The following INPP5B variants were observed in gnomAD, a reference collection of about 807,000 sequenced individuals.
INPP5B encodes inositol polyphosphate-5-phosphatase B, also known as type II inositol 1,4,5-trisphosphate 5-phosphatase.
In INPP5B, 90 loss-of-function variants were observed where a neutral mutation model predicts 118.5. The ratio of observed to expected loss-of-function variants is 0.76; its 90% confidence interval spans 0.64 to 0.90. INPP5B has a LOEUF of 0.90. Among genes scored for constraint, INPP5B ranks in the 40% least tolerant of loss-of-function variants. The pLI, the probability that INPP5B is intolerant of heterozygous loss-of-function variation, is 0.00. For missense variants in INPP5B, 984 were observed against 1,125.6 expected (o/e 0.87, Z 1.80); for synonymous variants, 385 against 418.9 (o/e 0.92, Z 0.99).
chr1:37,914,486 T>A (rs1644803802), intron 7 of INPP5B, among the ~76,000 whole-genome samples: 1 of 151,980 alleles, frequency 6.6e-6, no homozygotes, highest in African/African-American at 2.4e-5. Context: ...CCATTTCCCA[T>A]CCCCACTGGA....
At chr1:37,935,399 G>A (rs1344603999) in intron 6 of INPP5B, among the ~76,000 whole-genome samples, 9 of 150,884 alleles carry the variant, frequency 6.0e-5, no homozygotes, top group Non-Finnish European at 1.2e-4. Flanking sequence ...TCACCATATT[G>A]GTCAGGCTGG....
rs78359312 is a variant in INPP5B, at chr1:37,904,877, CAA to C, written c.533-13425_533-13424del. On this transcript the variant is annotated intron_variant, in intron 7 of 23. Transcript: ENST00000373024. ...GGGAAACAAGAGCACAACTCCATCT[CAA>C]AAAAAAAAAAAATTTTAAAGGGTTA... 9.3e-3 allele frequency among the ~76,000 whole-genome samples: 1,200 copies of C among 129,558 alleles called. 6 individuals are homozygous for C. The highest frequency in any genetic ancestry group is 0.015 in the Non-Finnish European group (905 of 60,204). 85.0% of individuals were successfully genotyped at this position (129,558 alleles called of 152,430 possible).
intron 7 of INPP5B, among the ~76,000 whole-genome samples, chr1:37,893,982 G>A (rs1161781612): frequency 6.6e-6 from 1 of 152,202 alleles, no homozygotes; most frequent in East Asian, 1.9e-4. Flanking sequence ...CCTAGGCTTT[G>A]CAGGTCATAC....
chr1:37,872,093 G>A (rs12734823), intron 19 of INPP5B, among the ~76,000 whole-genome samples: 31,778 of 140,414 alleles, frequency 0.23, 4,108 homozygotes, highest in Non-Finnish European at 0.29. Context: ...AAAGCCAGGC[G>A]CGGTGGCTCA....
chr1:37,935,268 T>G (rs1645641749), intron 6 of INPP5B, among the ~76,000 whole-genome samples: 1 of 145,620 alleles, frequency 6.9e-6, no homozygotes, highest in South Asian at 2.3e-4. Flanking sequence ...CTCGGCTCAC[T>G]GCAACCTCTG....
intron 5 of INPP5B, among the ~76,000 whole-genome samples, chr1:37,943,431 G>GGGTGAC (rs1646007341): frequency 2.0e-5 from 3 of 151,888 alleles, no homozygotes; most frequent in Non-Finnish European, 4.4e-5. Flanking sequence ...TCCGGGGTGA[G>GGGTGAC]AATGTGTGTT....
chr1:37,866,404 T>TCACA (rs1491111834), intron 21 of INPP5B, 55 bp downstream of exon 21: 134 of 367,318 alleles, frequency 3.6e-4, no homozygotes, highest in African/African-American at 2.8e-3. Flanking sequence ...TCTCTCTCTC[T>TCACA]CTCACACACA....
chr1:37,888,208 G>A, intron 10 of INPP5B, 35 bp downstream of exon 10: 3 of 1,321,760 alleles, frequency 2.3e-6, no homozygotes, highest in Non-Finnish European at 3.0e-6. Context: ...CTGTGTGCTT[G>A]AAGATGGAGA....
chr1:37,917,227 T>C (rs1434266562), intron 7 of INPP5B, among the ~76,000 whole-genome samples: 2 of 137,150 alleles, frequency 1.5e-5, no homozygotes, highest in Non-Finnish European at 3.1e-5. Context: ...AGGCAGAGGT[T>C]GCAGTGAGCC....
At chr1:37,885,929 C>G in intron 12 of INPP5B, 104 bp from the exon 13 acceptor site, 1 of 1,049,380 alleles carries the variant, frequency 9.5e-7, no homozygotes, top group Non-Finnish European at 1.4e-6. Flanking sequence ...CCTGTAATCC[C>G]AGCACTTTGG....
rs192734703 is a variant in INPP5B at position 37,895,168 on chromosome 1, T to C, written c.533-3714A>G. ...GAAATTTAAAAAAAAGAAAACCAGC[T>C]GACAATTCCAATTGCTGACAAGGAT... On this transcript the variant is annotated intron_variant, in intron 7 of 23. Transcript: ENST00000373024. 3.3e-5 allele frequency among the ~76,000 whole-genome samples: 5 copies of C among 152,314 alleles called. No homozygotes were observed. The East Asian group carries it at 9.7e-4, about 29-fold the overall frequency.
intron 12 of INPP5B, among the ~76,000 whole-genome samples, chr1:37,886,050 C>T (rs1005959124): frequency 5.3e-5 from 8 of 151,840 alleles, no homozygotes; most frequent in African/African-American, 1.2e-4. Context: ...TGGTGGCAGG[C>T]GCCTGTCATC....
At chr1:37,923,454 G>A (rs985705359) in intron 7 of INPP5B, among the ~76,000 whole-genome samples, 2 of 152,164 alleles carry the variant, frequency 1.3e-5, no homozygotes, top group African/African-American at 4.8e-5. Flanking sequence ...ATAGGCAACA[G>A]GGAGTGGTAC....
Position 37,931,956 on chromosome 1 carries a change from G to C in INPP5B, c.489C>G (p.Asn163Lys), listed in dbSNP as rs1346771060. The C allele has an allele frequency of 6.2e-7, 1 of 1,614,088 alleles. No individual in the cohort carries two copies. The highest frequency in any genetic ancestry group is 1.1e-5 in the South Asian group (1 of 91,082). The change falls in exon 7 of 24, where the codon AAC becomes AAG. Residue 163 changes from asparagine to lysine, a missense_variant. Coordinates refer to ENST00000373024, the MANE Select transcript of INPP5B (RefSeq NM_005540.3). ...ACCCTGGCCAGGTAACTAGGGCCGA[G>C]TTACAACCGCGCGGCGTTGGCATCT... ...ELEMPTPRGC[N>K]SALVTWPGYA...
chr1:37,900,460 G>A (rs1644289498), intron 7 of INPP5B, among the ~76,000 whole-genome samples: 1 of 150,432 alleles, frequency 6.6e-6, no homozygotes, highest in African/African-American at 2.4e-5. Context: ...TCACAATGTT[G>A]GTCAGGCTGG....
chr1:37,921,703 T>A (rs988160977), intron 7 of INPP5B, among the ~76,000 whole-genome samples: 2 of 151,818 alleles, frequency 1.3e-5, no homozygotes, highest in Admixed American at 6.6e-5. Context: ...AAAAATTTTT[T>A]AAAAATAATA....
Position 37,862,396 on chromosome 1 carries a change from TG to T in INPP5B, c.2660del (p.Pro887GlnfsTer9). 6.2e-7 allele frequency: 1 copy of T among 1,613,918 alleles called. No homozygotes were observed. Among genetic ancestry groups the T allele is most frequent in the South Asian group, 1.1e-5 (1 of 91,076 alleles). On this transcript the variant is annotated frameshift_variant, in exon 24 of 24. Coordinates refer to ENST00000373024, the MANE Select transcript of INPP5B (RefSeq NM_005540.3). LOFTEE classifies it high-confidence loss of function. The stretch of plus-strand genomic sequence containing the variant: ...TCATATCAAGCTTTTGGTGACCAGC[TG>T]GGTTTCGAAGCAATAAGCTGCCAAA... ...SIFGSLLLRN[P>X]AGHQKLDMTE...
At chr1:37,924,708 A>G (rs1397453424) in intron 7 of INPP5B, among the ~76,000 whole-genome samples, 1 of 151,274 alleles carries the variant, frequency 6.6e-6, no homozygotes, top group Non-Finnish European at 1.5e-5. Context: ...GGAGTTTGAG[A>G]CCGGCCTGGG....
At chr1:37,917,715 G>A (rs976171167) in intron 7 of INPP5B, among the ~76,000 whole-genome samples, 2 of 151,978 alleles carry the variant, frequency 1.3e-5, no homozygotes, top group African/African-American at 4.8e-5. Context: ...GGATGGCTTG[G>A]GACCAGGAGT....
Sources: gnomAD v4.1 joint callset for allele counts (sites outside exome capture counted in the v4.1 genomes callset) on GRCh38, gnomAD v4.1.1 for gene constraint, MANE v1.5 for transcripts, NCBI Gene and HGNC (gene_info 2026-07-23, HGNC 2026-07-21) for gene names.